Variants in CSMD3 observed in about 807,000 individuals in gnomAD.
The protein encoded by CSMD3 is CUB and Sushi multiple domains 3.
In CSMD3, 177 loss-of-function variants were observed where a neutral mutation model predicts 435.2. The ratio of observed to expected loss-of-function variants is 0.41; its 90% CI spans 0.36 to 0.46. The LOEUF (loss-of-function observed/expected upper bound fraction) is 0.46. CSMD3 is among the 20% of genes least tolerant of loss of function. The probability of loss-of-function intolerance (pLI) is 0.34; values close to 1 mark genes in which losing one functional copy is unlikely to be tolerated. For synonymous variants in CSMD3, 1,656 were observed against 1,520.5 expected (o/e 1.09, Z -2.07); for missense variants, 4,265 against 4,504.6 (o/e 0.95, Z 1.52).
intron 45 of CSMD3, among the ~76,000 whole-genome samples, chr8:112,323,419 C>T (rs1823192625): frequency 6.6e-6 from 1 of 152,002 alleles, no homozygotes; most frequent in Admixed American, 6.6e-5. Flanking sequence ...CATGCCTTTC[C>T]TGGAACCTAA....
intron 22 of CSMD3, among the ~76,000 whole-genome samples, chr8:112,618,887 G>T (rs935823744): frequency 1.3e-5 from 2 of 151,886 alleles, no homozygotes; most frequent in Non-Finnish European, 2.9e-5. Flanking sequence ...ATAATTTTAT[G>T]ATTTACATCT....
At chr8:113,398,052 A>C (rs191111710) in intron 1 of CSMD3, among the ~76,000 whole-genome samples, 16 of 152,216 alleles carry the variant, frequency 1.1e-4, no homozygotes, top group African/African-American at 3.1e-4. Context: ...GTGTAGGTAC[A>C]TAGTGAATGC....
At chr8:113,140,776 T>TA (rs2091529111) in intron 4 of CSMD3, among the ~76,000 whole-genome samples, 1 of 150,918 alleles carries the variant, frequency 6.6e-6, no homozygotes, top group South Asian at 2.1e-4. Flanking sequence ...GAGAAAAACT[T>TA]ACAGTACCAA....
intron 25 of CSMD3, among the ~76,000 whole-genome samples, chr8:112,553,018 T>C (rs1391330592): frequency 6.6e-6 from 1 of 152,132 alleles, no homozygotes. Context: ...TGTTGTTAAA[T>C]AACGATAATT....
intron 13 of CSMD3, among the ~76,000 whole-genome samples, chr8:112,694,972 G>C (rs1000874486): frequency 1.3e-4 from 20 of 152,232 alleles, no homozygotes; most frequent in African/African-American, 3.9e-4. Context: ...AGCCCACCGA[G>C]TGTGAGCCGA....
intron 5 of CSMD3, among the ~76,000 whole-genome samples, chr8:113,019,563 T>TTA (rs1304118855): frequency 6.7e-6 from 1 of 148,970 alleles, no homozygotes; most frequent in South Asian, 2.1e-4. Context: ...TTATTATTTA[T>TTA]TATATATATT....
At chr8:112,494,563 CT>C (rs1182166706) in intron 30 of CSMD3, among the ~76,000 whole-genome samples, 2 of 91,546 alleles carry the variant, frequency 2.2e-5, no homozygotes, top group African/African-American at 8.3e-5. Context: ...TTCTTTCTTT[CT>C]TTCTTTCTTT....
In CSMD3 at chr8:113,220,844, C is replaced by T. The variant is rs2092958129; in HGVS notation, c.515-46928G>A. 2.6e-5 allele frequency among the ~76,000 whole-genome samples: 4 copies of T among 151,354 alleles called. No individual in the cohort carries two copies. In the South Asian group the frequency reaches 8.3e-4, roughly 31 times the overall value. ...ACATTGCCACTAAGGGATCTATGTA[C>T]ACTATATGCCTTCTGATGCGGAACA... On this transcript the variant is annotated intron_variant, in intron 3 of 70. Coordinates refer to ENST00000297405, the MANE Select transcript of CSMD3 (RefSeq NM_198123.2).
chr8:113,167,196 T>C (rs1300315188), intron 4 of CSMD3, among the ~76,000 whole-genome samples: 2 of 152,160 alleles, frequency 1.3e-5, no homozygotes, highest in African/African-American at 4.8e-5. Context: ...ATATTTTAAA[T>C]ACGATAAATA....
intron 27 of CSMD3, among the ~76,000 whole-genome samples, chr8:112,544,888 C>T (rs184440067): frequency 3.2e-4 from 48 of 152,130 alleles, no homozygotes; most frequent in African/African-American, 1.1e-3. Context: ...TCATTGCTGC[C>T]ATAAAGGTCT....
At chr8:112,958,837 G>T (rs150870714) in intron 7 of CSMD3, among the ~76,000 whole-genome samples, 85 of 152,218 alleles carry the variant, frequency 5.6e-4, no homozygotes, top group Middle Eastern at 3.4e-3. Flanking sequence ...GTATTGGTGG[G>T]ATAAAATAGA....
At chr8:113,097,786 A>T (rs1238061173) in intron 5 of CSMD3, among the ~76,000 whole-genome samples, 1 of 152,056 alleles carries the variant, frequency 6.6e-6, no homozygotes, top group Non-Finnish European at 1.5e-5. Context: ...AACTCAGTGA[A>T]TATTACTACT....
intron 2 of CSMD3, among the ~76,000 whole-genome samples, chr8:113,302,413 G>C (rs1352244730): frequency 6.7e-6 from 1 of 149,282 alleles, no homozygotes; most frequent in Non-Finnish European, 1.5e-5. Flanking sequence ...TATGTATTCA[G>C]AGAATGTTAG....
intron 27 of CSMD3, among the ~76,000 whole-genome samples, chr8:112,525,522 C>T (rs1288985469): frequency 2.0e-5 from 3 of 149,126 alleles, no homozygotes; most frequent in Non-Finnish European, 4.5e-5. Context: ...AAATCGAGAC[C>T]ATCCTGGCTA....
chr8:112,368,914 T>C (rs1354493347), intron 38 of CSMD3, among the ~76,000 whole-genome samples: 1 of 152,164 alleles, frequency 6.6e-6, no homozygotes, highest in Non-Finnish European at 1.5e-5. Context: ...CATTTAGCAA[T>C]GTGCTTGACA....
chr8:112,373,255 T>C (rs1340014857), intron 38 of CSMD3, among the ~76,000 whole-genome samples: 3 of 152,066 alleles, frequency 2.0e-5, no homozygotes, highest in Non-Finnish European at 4.4e-5. Context: ...TTGCTGGTAT[T>C]CATAGTGTGA....
At chr8:113,096,188 GATTT>G (rs953660932) in intron 5 of CSMD3, among the ~76,000 whole-genome samples, 13 of 152,092 alleles carry the variant, frequency 8.5e-5, no homozygotes, top group African/African-American at 2.6e-4. Flanking sequence ...TTCAACTACA[GATTT>G]ATTAGCCATC....
intron 13 of CSMD3, among the ~76,000 whole-genome samples, chr8:112,718,035 A>G (rs554871837): frequency 3.2e-4 from 49 of 152,248 alleles, no homozygotes; most frequent in African/African-American, 1.2e-3. Flanking sequence ...CTTAAGTAAT[A>G]AACCTGCATG....
intron 1 of CSMD3, among the ~76,000 whole-genome samples, chr8:113,352,252 T>C (rs2094194985): frequency 1.3e-5 from 2 of 151,994 alleles, no homozygotes; most frequent in South Asian, 2.1e-4. Context: ...AAACCTATGA[T>C]GCGTATGCCT....
Sources: allele counts gnomAD v4.1 joint callset (sites outside exome capture counted in the v4.1 genomes callset), GRCh38; gene constraint gnomAD v4.1.1; transcripts MANE v1.5; gene names NCBI Gene and HGNC (gene_info 2026-07-23, HGNC 2026-07-21).